Variants in WAPL observed in about 807,000 individuals in gnomAD.
The protein encoded by WAPL is WAPL cohesin release factor.
In WAPL, 5 loss-of-function variants were observed where a neutral mutation model predicts 121.0. That is an observed-to-expected ratio of 0.04 (90% CI 0.02 to 0.09). WAPL has a LOEUF of 0.09. Among genes scored for constraint, WAPL ranks in the 10% least tolerant of loss-of-function variants. WAPL has a pLI of 1.00. For missense variants in WAPL, 999 were observed against 1,410.8 expected (o/e 0.71, Z 4.68); for synonymous variants, 480 against 481.5 (o/e 1.00, Z 0.04).
intron 9 of WAPL, among the ~76,000 whole-genome samples, chr10:86,461,649 C>T (rs1589505096): frequency 6.6e-6 from 1 of 152,304 alleles, no homozygotes; most frequent in South Asian, 2.1e-4. Context: ...TAACAAGTAA[C>T]ACTCTCAGGA....
At chr10:86,448,621 T>A (rs1840895265) in intron 15 of WAPL, among the ~76,000 whole-genome samples, 1 of 152,180 alleles carries the variant, frequency 6.6e-6, no homozygotes, top group African/African-American at 2.4e-5. Flanking sequence ...CACATTTTTT[T>A]ATTTACTTTT....
Position 86,521,553 on chromosome 10 carries a change from C to A in WAPL, c.-211G>T. ...GGGGGCAGGAGCGGCGGCCCCGCAA[C>A]TTCCCTCCCCGCCTCGAGCGCCGCC... On this transcript the variant is annotated 5_prime_UTR_variant, in exon 1 of 19. Transcript: ENST00000298767. The A allele has an allele frequency of 2.6e-6, 1 of 388,120 alleles. No individual in the cohort carries two copies. Among genetic ancestry groups the A allele is most frequent in the South Asian group, 1.9e-5 (1 of 52,308 alleles). 24.0% of individuals were successfully genotyped at this position (388,120 alleles called of 1,614,324 possible).
intron 2 of WAPL, among the ~76,000 whole-genome samples, chr10:86,505,041 G>A (rs1842318508): frequency 6.6e-6 from 1 of 151,844 alleles, no homozygotes; most frequent in Non-Finnish European, 1.5e-5. Flanking sequence ...CAAATATTCT[G>A]AGAGCATTTG....
intron 12 of WAPL, among the ~76,000 whole-genome samples, chr10:86,454,871 GTC>G (rs1258522083): frequency 6.7e-6 from 1 of 149,162 alleles, no homozygotes; most frequent in Non-Finnish European, 1.5e-5. Context: ...ACTGAGGAGT[GTC>G]TCTGCCCGAC....
intron 8 of WAPL, among the ~76,000 whole-genome samples, chr10:86,469,496 T>C (rs1322825342): frequency 1.3e-5 from 2 of 151,902 alleles, no homozygotes; most frequent in East Asian, 1.9e-4. Flanking sequence ...TCAGGCAATC[T>C]GCCCACCTCA....
chr10:86,474,951 A>G (rs1841618453), intron 4 of WAPL, among the ~76,000 whole-genome samples: 1 of 152,198 alleles, frequency 6.6e-6, no homozygotes, highest in Non-Finnish European at 1.5e-5. Flanking sequence ...TAATACATAT[A>G]CCACATATTC....
chr10:86,455,693 AAAAG>A (rs1235877602), intron 12 of WAPL, among the ~76,000 whole-genome samples: 2 of 129,916 alleles, frequency 1.5e-5, no homozygotes, highest in Non-Finnish European at 1.8e-5. Context: ...TAAAAAAAAA[AAAAG>A]AAAGAAAGAA....
chr10:86,504,230 T>C (rs191656900), intron 2 of WAPL, among the ~76,000 whole-genome samples: 82 of 151,968 alleles, frequency 5.4e-4, no homozygotes, highest in Admixed American at 1.6e-3. Flanking sequence ...CATTAAAATA[T>C]ATATCTATAA....
chr10:86,443,599 T>G (rs1309243210), intron 16 of WAPL: 2 of 445,034 alleles, frequency 4.5e-6, no homozygotes, highest in Non-Finnish European at 8.0e-6. Flanking sequence ...AGGACACAAT[T>G]AACAAACTGA....
At chr10:86,459,488 G>GA (rs1341364248) in intron 11 of WAPL, among the ~76,000 whole-genome samples, 2 of 152,168 alleles carry the variant, frequency 1.3e-5, no homozygotes, top group Non-Finnish European at 2.9e-5. Context: ...TCTATGCCAG[G>GA]AGCTTTTAAT....
At position 86,499,937 on chromosome 10, in the gene WAPL, T is replaced by C. The variant is rs1040589768; in HGVS notation, c.1306A>G (p.Thr436Ala). The change falls in exon 3 of 19, where the codon ACA becomes GCA. Residue 436 changes from threonine to alanine, a missense_variant. Around this residue, in one of 7 missense-constraint regions of WAPL, gnomAD observed 531 missense variants for 563.1 expected, o/e 0.94. Coordinates refer to ENST00000298767, the MANE Select transcript of WAPL (RefSeq NM_015045.5). ...LEFFGFEDHETGGDEGGSGSS... is the reference protein window; with the variant it reads ...LEFFGFEDHEAGGDEGGSGSS... ...CCAGAACCTCCTTCATCACCTCCTG[T>C]CTCATGATCTTCAAAACCAAAAAAT... 6.2e-7 allele frequency: 1 copy of C among 1,614,148 alleles called. No individual in the cohort carries two copies. The highest frequency in any genetic ancestry group is 8.5e-7 in the Non-Finnish European group (1 of 1,180,002).
intron 17 of WAPL, among the ~76,000 whole-genome samples, chr10:86,440,772 G>A (rs1258390823): frequency 6.6e-6 from 1 of 151,692 alleles, no homozygotes; most frequent in African/African-American, 2.4e-5. Flanking sequence ...GCGGTACCCA[G>A]AGGGGCCACA....
At chr10:86,515,925 G>A (rs1842547187) in intron 2 of WAPL, among the ~76,000 whole-genome samples, 1 of 132,978 alleles carries the variant, frequency 7.5e-6, no homozygotes, top group Admixed American at 8.7e-5. Flanking sequence ...GAGTGCAGTG[G>A]TGCGATCTCG....
chr10:86,437,884 T>C (rs988306947), intron 18 of WAPL, 36 bp downstream of exon 18: 38 of 1,485,682 alleles, frequency 2.6e-5, no homozygotes, highest in Non-Finnish European at 3.6e-5. Flanking sequence ...GTATTATAAA[T>C]TTAAAATCAT....
At chr10:86,479,415 G>A (rs551155164) in intron 4 of WAPL, among the ~76,000 whole-genome samples, 11 of 152,196 alleles carry the variant, frequency 7.2e-5, no homozygotes, top group Middle Eastern at 6.8e-3. Context: ...CAGCACGCCT[G>A]GCTAATTTTT....
At chr10:86,449,795 A>C (rs540328182) in intron 15 of WAPL, among the ~76,000 whole-genome samples, 4 of 152,212 alleles carry the variant, frequency 2.6e-5, no homozygotes, top group African/African-American at 7.2e-5. Context: ...ATAGAAAAAA[A>C]TAAAACAAGA....
rs1564570506 is a variant in WAPL at position 86,467,266 on chromosome 10, A to C, written c.2370+13T>G. ...GTAATTCTCATCTTAGAAGGAAGGA[A>C]GAAGGAACCCACCGTTATATTTTCT... is the stretch of plus-strand genomic sequence containing the variant. On this transcript the variant is annotated intron_variant, in intron 9 of 18. Coordinates refer to ENST00000298767, the MANE Select transcript of WAPL (RefSeq NM_015045.5). 1.2e-6 allele frequency: 2 copies of C among 1,608,940 alleles called. No homozygotes were observed. Among genetic ancestry groups the C allele is most frequent in the Admixed American group, 1.7e-5 (1 of 59,812 alleles).
chr10:86,470,950 T>C, intron 8 of WAPL, 42 bp downstream of exon 8: 1 of 1,546,122 alleles, frequency 6.5e-7, no homozygotes, highest in Non-Finnish European at 8.9e-7. Context: ...GACTAGTAGT[T>C]TTCAACATAA....
Position 86,521,753 on chromosome 10 carries a change from GC to G in WAPL, c.-412del. The G allele has an allele frequency of 2.2e-6, 1 of 445,918 alleles. No individual in the cohort carries two copies. Among genetic ancestry groups the G allele is most frequent in the Non-Finnish European group, 4.6e-6 (1 of 216,452 alleles). The allele number at this position is 445,918 out of a possible 1,614,324, so 27.6% of individuals were successfully genotyped here. The stretch of plus-strand genomic sequence containing the variant: ...CATCTCAACGCCATTTGCGCTCCCG[GC>G]CCCCACCTCCTTCCTCCAACAGCCG... On this transcript the variant is annotated 5_prime_UTR_variant, in exon 1 of 19. Coordinates refer to ENST00000298767, the MANE Select transcript of WAPL (RefSeq NM_015045.5).
Sources: allele counts gnomAD v4.1 joint callset (sites outside exome capture counted in the v4.1 genomes callset), GRCh38; gene constraint gnomAD v4.1.1; regional missense constraint gnomAD v4.1.1; transcripts MANE v1.5; gene names NCBI Gene and HGNC (gene_info 2026-07-23, HGNC 2026-07-21).